The following METTL24 variants were observed in gnomAD, a reference collection of about 807,000 sequenced individuals.
The protein encoded by METTL24 is probable methyltransferase-like protein 24.
In METTL24, 29 loss-of-function variants were observed where a neutral mutation model predicts 32.7. That is an observed-to-expected ratio of 0.89 (90% CI 0.66 to 1.21). The LOEUF is 1.21. Among genes scored for constraint, METTL24 ranks in the 50% most tolerant of loss-of-function variants. METTL24 has a pLI of 0.00. For missense variants in METTL24, 439 were observed against 468.1 expected (o/e 0.94, Z 0.57); for synonymous variants, 163 against 179.5 (o/e 0.91, Z 0.73).
At chr6:110,277,339 T>C (rs1473903819) in intron 4 of METTL24, among the ~76,000 whole-genome samples, 2 of 152,128 alleles carry the variant, frequency 1.3e-5, no homozygotes, top group East Asian at 1.9e-4. Context: ...GGGAAAAGAA[T>C]TGGAAAGAGC....
intron 1 of METTL24, among the ~76,000 whole-genome samples, chr6:110,353,714 CTT>C (rs1772654729): frequency 6.6e-6 from 1 of 151,990 alleles, no homozygotes; most frequent in Non-Finnish European, 1.5e-5. Context: ...AGAGATGAAA[CTT>C]TTTCGGGAAG....
chr6:110,321,209 C>T (rs1212233916), intron 2 of METTL24, among the ~76,000 whole-genome samples: 1 of 152,022 alleles, frequency 6.6e-6, no homozygotes, highest in Non-Finnish European at 1.5e-5. Flanking sequence ...TGAACTCCAG[C>T]CTGGGTAACA....
intron 1 of METTL24, among the ~76,000 whole-genome samples, chr6:110,324,383 T>C (rs1485443941): frequency 6.6e-6 from 1 of 152,174 alleles, no homozygotes; most frequent in East Asian, 1.9e-4. Context: ...CAGGAACCCA[T>C]AGGGCAGGGC....
intron 2 of METTL24, among the ~76,000 whole-genome samples, chr6:110,316,686 A>G (rs1771825063): frequency 6.6e-6 from 1 of 152,260 alleles, no homozygotes; most frequent in South Asian, 2.1e-4. Flanking sequence ...GCTTGAGCCC[A>G]GGAGCTCGAG....
At chr6:110,296,987 GT>G (rs111296730) in intron 4 of METTL24, among the ~76,000 whole-genome samples, 17,274 of 151,990 alleles carry the variant, frequency 0.11, 2,080 homozygotes, top group African/African-American at 0.31. Flanking sequence ...TAGTTTTGTT[GT>G]TTTTGTTTTA....
At chr6:110,302,523 G>A (rs1296015237) in intron 3 of METTL24, among the ~76,000 whole-genome samples, 16 of 95,450 alleles carry the variant, frequency 1.7e-4, no homozygotes, top group East Asian at 2.8e-4. Flanking sequence ...ACACACATAT[G>A]TGTATATATA....
intron 4 of METTL24, among the ~76,000 whole-genome samples, chr6:110,280,334 T>G (rs1354167210): frequency 6.6e-6 from 1 of 152,184 alleles, no homozygotes; most frequent in Non-Finnish European, 1.5e-5. Flanking sequence ...CGAATTATCT[T>G]GGATATTTTT....
intron 3 of METTL24, among the ~76,000 whole-genome samples, chr6:110,299,376 A>C (rs573896607): frequency 2.8e-4 from 43 of 152,338 alleles, no homozygotes; most frequent in African/African-American, 1.0e-3. Flanking sequence ...AGACCAGAGA[A>C]TCACATACTC....
chr6:110,301,362 C>A (rs1771514136), intron 3 of METTL24, among the ~76,000 whole-genome samples: 2 of 152,320 alleles, frequency 1.3e-5, no homozygotes, highest in Non-Finnish European at 2.9e-5. Flanking sequence ...CAACCCTGCA[C>A]CATCCACACT....
intron 3 of METTL24, among the ~76,000 whole-genome samples, chr6:110,302,890 G>C (rs73539906): frequency 0.23 from 34,749 of 152,008 alleles, 6,335 homozygotes; most frequent in African/African-American, 0.51. Flanking sequence ...TGAATAGAAA[G>C]AGCTCTGGTC....
At chr6:110,278,244 T>C (rs1582397239) in intron 4 of METTL24, among the ~76,000 whole-genome samples, 1 of 152,276 alleles carries the variant, frequency 6.6e-6, no homozygotes, top group South Asian at 2.1e-4. Flanking sequence ...CTCCTGCAGG[T>C]GAAATATTCC....
At chr6:110,303,279 A>T (rs1398616345) in intron 3 of METTL24, among the ~76,000 whole-genome samples, 3 of 151,448 alleles carry the variant, frequency 2.0e-5, no homozygotes, top group African/African-American at 7.3e-5. Flanking sequence ...TTTTTTTTTC[A>T]TACCCCAGTG....
intron 4 of METTL24, among the ~76,000 whole-genome samples, chr6:110,252,365 C>T (rs1409250144): frequency 6.6e-6 from 1 of 152,174 alleles, no homozygotes; most frequent in Non-Finnish European, 1.5e-5. Flanking sequence ...TCCCTGTGGC[C>T]TTTCTGCATG....
At chr6:110,349,523 C>A (rs1772551869) in intron 1 of METTL24, among the ~76,000 whole-genome samples, 1 of 152,228 alleles carries the variant, frequency 6.6e-6, no homozygotes, top group Admixed American at 6.5e-5. Flanking sequence ...ACAGCATAAA[C>A]TGGCCCCTCC....
chr6:110,348,708 G>C (rs1158471070), intron 1 of METTL24, among the ~76,000 whole-genome samples: 1 of 152,230 alleles, frequency 6.6e-6, no homozygotes, highest in East Asian at 1.9e-4. Flanking sequence ...ATGAGTAAGT[G>C]ATGGCCGTGA....
At chr6:110,329,946 G>A (rs777188553) in intron 1 of METTL24, among the ~76,000 whole-genome samples, 1 of 152,232 alleles carries the variant, frequency 6.6e-6, no homozygotes, top group Admixed American at 6.5e-5. Context: ...CAGGCAGATT[G>A]GAGAAGAAGA....
At chr6:110,290,220 T>C (rs1771295163) in intron 4 of METTL24, among the ~76,000 whole-genome samples, 1 of 152,090 alleles carries the variant, frequency 6.6e-6, no homozygotes, top group African/African-American at 2.4e-5. Flanking sequence ...CCCAGCCAAT[T>C]GACAACTTTT....
At chr6:110,267,916 G>A (rs1770886034) in intron 4 of METTL24, among the ~76,000 whole-genome samples, 1 of 152,090 alleles carries the variant, frequency 6.6e-6, no homozygotes, top group South Asian at 2.1e-4. Flanking sequence ...ACCAGATCTT[G>A]TGTGAACTCA....
intron 1 of METTL24, among the ~76,000 whole-genome samples, chr6:110,342,550 A>G (rs1356851435): frequency 2.6e-5 from 4 of 152,180 alleles, no homozygotes; most frequent in Admixed American, 6.5e-5. Context: ...TGAAAAACGG[A>G]GATATGATTC....
Sources: allele counts gnomAD v4.1 joint callset (sites outside exome capture counted in the v4.1 genomes callset), GRCh38; gene constraint gnomAD v4.1.1; transcripts MANE v1.5; gene names NCBI Gene and HGNC (gene_info 2026-07-23, HGNC 2026-07-21).